WASL: variants seen among roughly 807,000 people sequenced by gnomAD.
The protein encoded by WASL is WASP like actin nucleation promoting factor.
In WASL, 20 loss-of-function variants were observed where a neutral mutation model predicts 55.5. The observed-to-expected ratio is 0.36, with a 90% CI of 0.25 to 0.52. The LOEUF is 0.52. Ranked by LOEUF, WASL falls within the 20% of genes least tolerant of loss-of-function variation. The probability of loss-of-function intolerance (pLI) is 0.92; values close to 1 mark genes in which losing one functional copy is unlikely to be tolerated. For synonymous variants in WASL, 249 were observed against 217.6 expected, an observed-to-expected ratio of 1.14 and a Z score of -1.27; for missense variants, 504 against 622.5, an observed-to-expected ratio of 0.81 and a Z score of 2.03.
chr7:123,741,795 C>G (rs755176988), intron 1 of WASL, among the ~76,000 whole-genome samples: 3 of 152,090 alleles, frequency 2.0e-5, no homozygotes, highest in Non-Finnish European at 4.4e-5. Flanking sequence ...GACTAGAATA[C>G]TGATACACAT....
chr7:123,741,864 C>T (rs1286865586), intron 1 of WASL, among the ~76,000 whole-genome samples: 2 of 152,130 alleles, frequency 1.3e-5, no homozygotes, highest in African/African-American at 2.4e-5. Flanking sequence ...CTTTGGCCAA[C>T]GCTTAAGTAG....
At chr7:123,698,336 T>C (rs896591954) in intron 5 of WASL, among the ~76,000 whole-genome samples, 1 of 151,294 alleles carries the variant, frequency 6.6e-6, no homozygotes, top group Non-Finnish European at 1.5e-5. Flanking sequence ...AGTATCCTAC[T>C]TACTAAAATT....
Position 123,709,221 on chromosome 7 carries a change from A to T in WASL, c.120T>A (p.Thr40=). 1 of 1,601,016 alleles carries T rather than the reference A, an allele frequency of 6.2e-7. No homozygotes were observed. The highest frequency in any genetic ancestry group is 8.5e-7 in the Non-Finnish European group (1 of 1,173,906). The change falls in exon 2 of 11, where the codon ACT becomes ACA. Residue 40 remains threonine, a splice_region_variant and synonymous_variant. Transcript: ENST00000223023. ...ATAACTGCACCACTGCTGAAGACAT[A>T]GTCTGCAAAATATAAAATTTATAAC... ...LFTFLGKKCV[T]MSSAVVQLYA... is the part of the protein sequence containing the mutation.
chr7:123,699,915 G>A (rs537133446), intron 5 of WASL, among the ~76,000 whole-genome samples: 3 of 152,068 alleles, frequency 2.0e-5, no homozygotes, highest in Non-Finnish European at 2.9e-5. Context: ...GGTGGCTCAC[G>A]CCTGTAATCC....
intron 6 of WASL, 79 bp from the exon 7 acceptor site, chr7:123,695,944 T>A (rs951517411): frequency 1.4e-6 from 2 of 1,423,848 alleles, no homozygotes; most frequent in Non-Finnish European, 2.0e-6. Context: ...TGAAACCCAA[T>A]CTACATTTGG....
chr7:123,693,474 T>C (rs1803445124), intron 8 of WASL, among the ~76,000 whole-genome samples: 1 of 152,246 alleles, frequency 6.6e-6, no homozygotes. Flanking sequence ...GCAATTCTAG[T>C]AATGGCATTA....
chr7:123,699,198 A>G (rs971000025), intron 5 of WASL, among the ~76,000 whole-genome samples: 1 of 152,076 alleles, frequency 6.6e-6, no homozygotes, highest in African/African-American at 2.4e-5. Context: ...AGCCTGGCCA[A>G]TATGGTGAAA....
intron 2 of WASL, among the ~76,000 whole-genome samples, chr7:123,708,181 A>AAAC (rs144814256): frequency 2.7e-4 from 41 of 151,308 alleles, no homozygotes; most frequent in Admixed American, 1.5e-3. Flanking sequence ...CCCTGTCTCA[A>AAAC]AACAACAACA....
At chr7:123,707,907 C>T (rs956201262) in intron 2 of WASL, among the ~76,000 whole-genome samples, 4 of 152,114 alleles carry the variant, frequency 2.6e-5, no homozygotes, top group Admixed American at 6.6e-5. Context: ...TAATTTAGCC[C>T]GGGACTGGTG....
Position 123,748,868 on chromosome 7 carries a change from G to A in WASL, c.-134C>T. ...CACATCTCGCAGCTCCTCCGGAGCG[G>A]GGAGGAGGACGAGGTCGAGGGAAGC... On this transcript the variant is annotated 5_prime_UTR_variant, in exon 1 of 11. Transcript: ENST00000223023. 2.8e-6 allele frequency: 2 copies of A among 719,186 alleles called. No homozygotes were observed. Among genetic ancestry groups the A allele is most frequent in the Non-Finnish European group, 2.2e-6 (1 of 457,108 alleles). The allele number at this position is 719,186 out of a possible 1,614,324, so 44.6% of individuals were successfully genotyped here. A position where few individuals can be genotyped will look rare whatever the true frequency, so the allele number is the denominator to read the frequency against.
At chr7:123,700,193 A>C (rs1292604597) in intron 5 of WASL, among the ~76,000 whole-genome samples, 16 of 149,010 alleles carry the variant, frequency 1.1e-4, no homozygotes, top group Non-Finnish European at 1.8e-4. Context: ...AAAAAAAAAA[A>C]AAAAAAAAAA....
Position 123,739,603 on chromosome 7 carries a change from T to C in WASL, c.117+9015A>G, listed in dbSNP as rs117200804. On this transcript the variant is annotated intron_variant, in intron 1 of 10. Transcript: ENST00000223023. ...CATCAGGTTGCCCAACTGTAGGTTA[T>C]TGTAAATGTTCTGAGCACATTTAAG... Among the ~76,000 whole-genome samples, 46 of 152,318 alleles carry C rather than the reference T, an allele frequency of 3.0e-4. No homozygotes were observed. The East Asian group carries it at 3.9e-3, about 13-fold the overall frequency.
intron 1 of WASL, among the ~76,000 whole-genome samples, chr7:123,721,189 A>C (rs1413415373): frequency 6.6e-6 from 1 of 152,238 alleles, no homozygotes; most frequent in East Asian, 1.9e-4. Context: ...AAAAATAAGC[A>C]AATTAAAATT....
At chr7:123,739,894 GTGTGTGTGTGTGTGTGTGTGTATA>G (rs904207902) in intron 1 of WASL, among the ~76,000 whole-genome samples, 6 of 56,674 alleles carry the variant, frequency 1.1e-4, no homozygotes, top group Admixed American at 9.0e-4. Context: ...GTGTGTGTGT[GTGTGTGTGTGTGTGTGTGTGTATA>G]TATATATATA....
At chr7:123,702,859 T>C (rs1381091463) in intron 5 of WASL, among the ~76,000 whole-genome samples, 1 of 152,192 alleles carries the variant, frequency 6.6e-6, no homozygotes, top group Non-Finnish European at 1.5e-5. Flanking sequence ...CCAACATGGA[T>C]ACATGTATTT....
intron 1 of WASL, among the ~76,000 whole-genome samples, chr7:123,712,577 TA>T (rs1179883347): frequency 1.3e-5 from 2 of 152,188 alleles, no homozygotes. Context: ...GGATGAAGGA[TA>T]TATAGAAGTT....
At chr7:123,707,023 C>G (rs549748708) in intron 2 of WASL, among the ~76,000 whole-genome samples, 197 bp from the exon 3 acceptor site, 1 of 152,058 alleles carries the variant, frequency 6.6e-6, no homozygotes, top group African/African-American at 2.4e-5. Context: ...CACTGGATAA[C>G]GTATCTTTCA....
chr7:123,698,320 T>A (rs1405353025), intron 5 of WASL, among the ~76,000 whole-genome samples: 2 of 150,710 alleles, frequency 1.3e-5, no homozygotes, highest in Non-Finnish European at 3.0e-5. Context: ...TGCCCCAAAC[T>A]GCCAAAGTAT....
chr7:123,686,700 C>T (rs764407929), intron 10 of WASL, among the ~76,000 whole-genome samples: 3 of 152,036 alleles, frequency 2.0e-5, no homozygotes, highest in Admixed American at 1.3e-4. Flanking sequence ...TGAATGAAGA[C>T]CTTTCTTTAT....
Sources: allele counts gnomAD v4.1 joint callset (sites outside exome capture counted in the v4.1 genomes callset), GRCh38; gene constraint gnomAD v4.1.1; transcripts MANE v1.5; gene names NCBI Gene and HGNC (gene_info 2026-07-23, HGNC 2026-07-21).